ELF2: variants seen among roughly 807,000 people sequenced by gnomAD.
ELF2 encodes ETS-related transcription factor Elf-2.
Under a neutral mutation model 54.8 loss-of-function variants are expected in ELF2, and 11 were observed. The ratio of observed to expected loss-of-function variants is 0.20; its 90% CI spans 0.13 to 0.33. The LOEUF (loss-of-function observed/expected upper bound fraction) is 0.33, where lower values mean the gene tolerates loss of function less well. Among genes scored for constraint, ELF2 ranks in the 10% least tolerant of loss-of-function variants. The pLI, the probability that ELF2 is intolerant of heterozygous loss-of-function variation, is 1.00. For synonymous variants in ELF2, 203 were observed against 245.1 expected, an observed-to-expected ratio of 0.83 and a Z score of 1.61; for missense variants, 513 against 703.0, an observed-to-expected ratio of 0.73 and a Z score of 3.06.
chr4:139,093,774 T>C (rs1010172629), intron 4 of ELF2, among the ~76,000 whole-genome samples: 2 of 152,152 alleles, frequency 1.3e-5, no homozygotes, highest in African/African-American at 2.4e-5. Context: ...CCTATAACAA[T>C]TTCAAGTTGA....
intron 1 of ELF2, among the ~76,000 whole-genome samples, chr4:139,152,891 C>CTTTTTT (rs34208004): frequency 4.8e-5 from 5 of 104,044 alleles, no homozygotes; most frequent in Admixed American, 1.0e-4. Flanking sequence ...TAGTGTCATA[C>CTTTTTT]TTTTTTTTTT....
intron 1 of ELF2, among the ~76,000 whole-genome samples, chr4:139,151,934 A>T (rs1011782765): frequency 2.6e-5 from 4 of 152,194 alleles, no homozygotes; most frequent in African/African-American, 9.7e-5. Context: ...TATCAGCATG[A>T]GGGTCAATTA....
At chr4:139,133,636 CTTTTTT>C (rs35553898) in intron 3 of ELF2, among the ~76,000 whole-genome samples, 1 of 143,370 alleles carries the variant, frequency 7.0e-6, no homozygotes, top group South Asian at 2.2e-4. Context: ...TTTTCCCTAC[CTTTTTT>C]TTTTTTTTTA....
In ELF2 at chr4:139,058,939, A is replaced by G. The variant is rs770750352; in HGVS notation, c.*44T>C. On this transcript the variant is annotated 3_prime_UTR_variant, in exon 10 of 10. Coordinates refer to ENST00000686138, the MANE Select transcript of ELF2 (RefSeq NM_001331036.3). ...GACTTCCCTTGCAAATGTTTATGTC[A>G]GTACTGCCACTAACAGCCTGAAGTC... 3.2e-6 allele frequency: 5 copies of G among 1,542,086 alleles called. No individual in the cohort carries two copies. In the South Asian group the frequency reaches 6.4e-5, roughly 20 times the overall value.
chr4:139,163,218 T>G (rs1386435879), intron 1 of ELF2, among the ~76,000 whole-genome samples: 1 of 152,314 alleles, frequency 6.6e-6, no homozygotes, highest in South Asian at 2.1e-4. Flanking sequence ...TAATTCTGTA[T>G]ATGAAGTGTA....
chr4:139,138,354 T>C (rs1031973361), intron 2 of ELF2, among the ~76,000 whole-genome samples: 2 of 151,914 alleles, frequency 1.3e-5, no homozygotes, highest in African/African-American at 4.8e-5. Flanking sequence ...GAGGTGGAGG[T>C]TGCAGTAAGC....
In ELF2 at chr4:139,113,960, T is replaced by C. The variant is rs117383463; in HGVS notation, c.238+11204A>G. Reference sequence around the variant, plus strand: ...TTTGGCCACTATTTTCTCCTTCACATAATTAATAATCTGTAAAACATATAT... The same window carrying C: ...TTTGGCCACTATTTTCTCCTTCACACAATTAATAATCTGTAAAACATATAT... On this transcript the variant is annotated intron_variant, in intron 4 of 9. Transcript: ENST00000686138. Among the ~76,000 whole-genome samples, 64 of 152,306 alleles carry C rather than the reference T, an allele frequency of 4.2e-4. No individual in the cohort carries two copies. In the East Asian group the frequency reaches 0.012, roughly 28 times the overall value.
chr4:139,167,586 T>C (rs543843609), intron 1 of ELF2, among the ~76,000 whole-genome samples: 4 of 152,212 alleles, frequency 2.6e-5, no homozygotes, highest in Admixed American at 6.5e-5. Flanking sequence ...TGTAGCCCTG[T>C]ACACTGTATT....
At chr4:139,148,239 C>T (rs1222246638) in intron 1 of ELF2, among the ~76,000 whole-genome samples, 19 of 150,694 alleles carry the variant, frequency 1.3e-4, no homozygotes. Flanking sequence ...CCTTGACCTC[C>T]TGGGCTCAAG....
At chr4:139,085,155 G>C (rs934946552) in intron 4 of ELF2, among the ~76,000 whole-genome samples, 14 of 152,130 alleles carry the variant, frequency 9.2e-5, no homozygotes, top group Admixed American at 2.6e-4. Context: ...AAAATACAAT[G>C]GACAAGGGAG....
At chr4:139,146,669 A>G (rs1240157564) in intron 1 of ELF2, among the ~76,000 whole-genome samples, 1 of 152,246 alleles carries the variant, frequency 6.6e-6, no homozygotes, top group East Asian at 1.9e-4. Flanking sequence ...CTGGTATAAA[A>G]ATAGACACAT....
chr4:139,100,877 G>A (rs1733813298), intron 4 of ELF2, among the ~76,000 whole-genome samples: 1 of 152,088 alleles, frequency 6.6e-6, no homozygotes, highest in Admixed American at 6.5e-5. Context: ...AGGAGGAGGA[G>A]GCAATAATGA....
In ELF2 at chr4:139,137,734, A is replaced by T. The variant is rs1286372539; in HGVS notation, c.-33T>A. 3 of 1,612,392 alleles carry T rather than the reference A, an allele frequency of 1.9e-6. No homozygotes were observed. Among genetic ancestry groups the T allele is most frequent in the Non-Finnish European group, 1.7e-6 (2 of 1,179,678 alleles). ...CCCTGAGGAAGCTTCAAACGCTATT[A>T]ATCAATGAAATTAAAGGTTCACTGA... is the stretch of plus-strand genomic sequence containing the variant. On this transcript the variant is annotated 5_prime_UTR_variant, in exon 3 of 10. Transcript: ENST00000686138.
chr4:139,063,695 A>C (rs910069203), intron 7 of ELF2, among the ~76,000 whole-genome samples: 6 of 152,180 alleles, frequency 3.9e-5, no homozygotes, highest in African/African-American at 1.4e-4. Flanking sequence ...ACAATATAAG[A>C]TCTATCACAA....
intron 4 of ELF2, among the ~76,000 whole-genome samples, chr4:139,123,985 A>G (rs894413031): frequency 3.3e-5 from 5 of 152,176 alleles, no homozygotes; most frequent in African/African-American, 1.2e-4. Flanking sequence ...TATACTGTAA[A>G]TCAGATACCA....
chr4:139,099,063 T>G (rs1427626827), intron 4 of ELF2, among the ~76,000 whole-genome samples: 1 of 152,242 alleles, frequency 6.6e-6, no homozygotes, highest in African/African-American at 2.4e-5. Flanking sequence ...ATGTTCTGGA[T>G]GTTTAAAATA....
chr4:139,116,704 G>C, intron 4 of ELF2: 1 of 985,396 alleles, frequency 1.0e-6, no homozygotes, highest in Non-Finnish European at 1.2e-6. Context: ...TCCTAGGATA[G>C]GGGCTCGTTT....
At chr4:139,173,249 C>A (rs978504877) in intron 1 of ELF2, among the ~76,000 whole-genome samples, 9 of 152,012 alleles carry the variant, frequency 5.9e-5, no homozygotes, top group Non-Finnish European at 1.3e-4. Flanking sequence ...GAATTATATA[C>A]TCAAAATGGA....
chr4:139,103,053 T>G (rs1176879479), intron 4 of ELF2, among the ~76,000 whole-genome samples: 1 of 152,182 alleles, frequency 6.6e-6, no homozygotes, highest in African/African-American at 2.4e-5. Context: ...AATTTTTGTA[T>G]TTTTTGTACA....
Sources: allele counts gnomAD v4.1 joint callset (sites outside exome capture counted in the v4.1 genomes callset), GRCh38; gene constraint gnomAD v4.1.1; transcripts MANE v1.5; gene names NCBI Gene and HGNC (gene_info 2026-07-23, HGNC 2026-07-21).